CCDC102B: variants seen among roughly 807,000 people sequenced by gnomAD.
CCDC102B encodes the protein coiled-coil domain-containing protein 102B.
Under a neutral mutation model 57.4 loss-of-function variants are expected in CCDC102B, and 75 were observed. The ratio of observed to expected loss-of-function variants is 1.31; its 90% confidence interval spans 1.08 to 1.58. The LOEUF is 1.58. CCDC102B is among the 40% of genes most tolerant of loss of function. The pLI is 0.00. For missense variants in CCDC102B, 636 were observed against 582.6 expected (o/e 1.09, Z -0.94); for synonymous variants, 206 against 201.9 (o/e 1.02, Z -0.17).
chr18:69,003,415 G>A (rs186314321), intron 6 of CCDC102B, among the ~76,000 whole-genome samples: 4 of 152,214 alleles, frequency 2.6e-5, no homozygotes, highest in South Asian at 2.1e-4. Flanking sequence ...GAGAAACAAC[G>A]TTTATCTTTG....
chr18:68,928,580 T>C (rs1017316098), intron 6 of CCDC102B, among the ~76,000 whole-genome samples: 3 of 151,198 alleles, frequency 2.0e-5, no homozygotes, highest in African/African-American at 7.3e-5. Context: ...GAGTTGATGG[T>C]GAGCTTGGTG....
chr18:68,729,016 G>A (rs1002353235), intron 2 of CCDC102B, among the ~76,000 whole-genome samples: 1 of 151,942 alleles, frequency 6.6e-6, no homozygotes, highest in Non-Finnish European at 1.5e-5. Flanking sequence ...CATTAGTAAA[G>A]GTTTACCAAA....
chr18:69,052,777 A>G (rs1384902213), intron 7 of CCDC102B, among the ~76,000 whole-genome samples: 1 of 151,730 alleles, frequency 6.6e-6, no homozygotes, highest in African/African-American at 2.4e-5. Context: ...CCAATCAACC[A>G]CTAATCAAAA....
intron 2 of CCDC102B, among the ~76,000 whole-genome samples, chr18:68,765,369 G>GAAAGAAAGAAAGA (rs2034425291): frequency 1.6e-5 from 2 of 126,180 alleles, no homozygotes; most frequent in Non-Finnish European, 3.3e-5. Context: ...AAGAAAGAAA[G>GAAAGAAAGAAAGA]AAAGAAAGAA....
intron 2 of CCDC102B, among the ~76,000 whole-genome samples, chr18:68,750,627 C>A (rs1222721003): frequency 6.6e-6 from 1 of 151,922 alleles, no homozygotes; most frequent in East Asian, 1.9e-4. Context: ...CTGTAAAAAA[C>A]AATGAGTTCA....
chr18:69,045,778 T>A (rs1273370221), intron 7 of CCDC102B, among the ~76,000 whole-genome samples: 1 of 152,088 alleles, frequency 6.6e-6, no homozygotes, highest in Middle Eastern at 3.4e-3. Flanking sequence ...CTCAAGTAGG[T>A]CCCAGTGTCT....
chr18:68,954,188 G>A (rs1251553157), intron 6 of CCDC102B, among the ~76,000 whole-genome samples: 1 of 152,172 alleles, frequency 6.6e-6, no homozygotes, highest in African/African-American at 2.4e-5. Context: ...GGGAGGCCAA[G>A]GCGGGCGGAT....
intron 6 of CCDC102B, among the ~76,000 whole-genome samples, chr18:68,939,052 C>T (rs1244124076): frequency 4.0e-5 from 6 of 151,570 alleles, no homozygotes. Flanking sequence ...GCAACTAAAC[C>T]TTCCTTATGA....
At chr18:68,807,462 C>T (rs865938884) in intron 1 of CCDC102B, among the ~76,000 whole-genome samples, 38 of 152,198 alleles carry the variant, frequency 2.5e-4, no homozygotes, top group Middle Eastern at 3.4e-3. Flanking sequence ...TATGACGTTA[C>T]AGGAATTACT....
intron 2 of CCDC102B, among the ~76,000 whole-genome samples, chr18:68,737,954 A>G (rs2145216121): frequency 6.6e-6 from 1 of 152,232 alleles, no homozygotes; most frequent in African/African-American, 2.4e-5. Context: ...TGTGGATGGC[A>G]GTGAATGGCT....
chr18:68,784,917 G>C (rs111495762), intron 2 of CCDC102B, among the ~76,000 whole-genome samples: 3,605 of 151,602 alleles, frequency 0.024, 138 homozygotes, highest in African/African-American at 0.082. Flanking sequence ...ATGCTGGTGC[G>C]CTGCACCCAC....
intron 7 of CCDC102B, among the ~76,000 whole-genome samples, chr18:69,024,419 T>C (rs1372261554): frequency 6.6e-6 from 1 of 152,066 alleles, no homozygotes; most frequent in African/African-American, 2.4e-5. Context: ...TGGAGAATTT[T>C]TGAAATTTAA....
At chr18:68,795,408 G>GT (rs1414540560), upstream of CCDC102B, among the ~76,000 whole-genome samples, 1 of 152,144 alleles carries the variant, frequency 6.6e-6, no homozygotes, top group African/African-American at 2.4e-5. Flanking sequence ...TAGGGCTGCT[G>GT]TAACAAATAT....
At chr18:68,996,003 AAGTTG>A in intron 6 of CCDC102B, among the ~76,000 whole-genome samples, 1 of 152,192 alleles carries the variant, frequency 6.6e-6, no homozygotes, top group African/African-American at 2.4e-5. Flanking sequence ...CATAGAGTCA[AAGTTG>A]ATTATTTAGG....
intron 4 of CCDC102B, chr18:68,858,956 T>C (rs1037810723): frequency 1.3e-5 from 2 of 152,330 alleles, no homozygotes; most frequent in African/African-American, 4.8e-5. Context: ...GCAGCACATA[T>C]ACTAAAATTG....
intron 1 of CCDC102B, among the ~76,000 whole-genome samples, chr18:68,716,289 ATT>A (rs10707437): frequency 8.7e-5 from 13 of 149,158 alleles, no homozygotes; most frequent in East Asian, 4.0e-4. Context: ...CCCATATTCA[ATT>A]TTTTTTTTTC....
At position 68,883,109 on chromosome 18, in the gene CCDC102B, G is replaced by A. The variant is rs185877470; in HGVS notation, c.1053+8324G>A. ...TTACTTGTGGAACAAACCTGCACAT[G>A]TATGCCCAAACTTAAAAGTATATAT... On this transcript the variant is annotated intron_variant, in intron 5 of 7. Coordinates refer to ENST00000360242, the MANE Select transcript of CCDC102B (RefSeq NM_024781.3). Among the ~76,000 whole-genome samples the A allele has an allele frequency of 1.3e-4, 20 of 152,180 alleles. No individual in the cohort carries two copies. In the South Asian group the frequency reaches 1.9e-3, roughly 14 times the overall value.
chr18:69,028,654 A>C (rs1183107149), intron 7 of CCDC102B, among the ~76,000 whole-genome samples: 6 of 151,132 alleles, frequency 4.0e-5, no homozygotes, highest in South Asian at 2.1e-4. Context: ...CACACACACA[A>C]AATTCAAAAG....
intron 7 of CCDC102B, among the ~76,000 whole-genome samples, chr18:69,019,331 A>G (rs1270113890): frequency 1.3e-5 from 2 of 151,960 alleles, no homozygotes; most frequent in African/African-American, 4.8e-5. Flanking sequence ...TAATTCCTCC[A>G]TTTCATGAAC....
Sources: allele counts gnomAD v4.1 joint callset (sites outside exome capture counted in the v4.1 genomes callset), GRCh38; gene constraint gnomAD v4.1.1; transcripts MANE v1.5; gene names NCBI Gene and HGNC (gene_info 2026-07-23, HGNC 2026-07-21).